The following NUS1 variants were observed in gnomAD, a reference collection of about 807,000 sequenced individuals.
The protein encoded by NUS1 is dehydrodolichyl diphosphate synthase complex subunit NUS1.
For missense variants in NUS1, 292 were observed against 382.9 expected (o/e 0.76, Z 1.98); for synonymous variants, 135 against 155.2 (o/e 0.87, Z 0.97).
chr6:117,683,337 T>C (rs1279703297), intron 1 of NUS1, among the ~76,000 whole-genome samples: 1 of 152,224 alleles, frequency 6.6e-6, no homozygotes, highest in Non-Finnish European at 1.5e-5. Flanking sequence ...TGAAATAAAA[T>C]AGCTTAATGG....
chr6:117,686,852 ATGTGTGTGTGTGTGTGTGTGTG>A (rs56080181), intron 1 of NUS1, among the ~76,000 whole-genome samples: 30 of 139,396 alleles, frequency 2.2e-4, no homozygotes, highest in East Asian at 1.9e-3. Flanking sequence ...TGAAGTGTGT[ATGTGTGTGTGTGTGTGTGTGTG>A]TGTGTGTGTG....
chr6:117,680,458 T>C (rs1464729445), intron 1 of NUS1, among the ~76,000 whole-genome samples: 1 of 152,244 alleles, frequency 6.6e-6, no homozygotes, highest in Non-Finnish European at 1.5e-5. Context: ...CCTGGCTTTA[T>C]TGTGCCTTGC....
In NUS1 at chr6:117,707,213, G is replaced by A. The variant is rs567506617; in HGVS notation, c.*198G>A. 1 of 508,612 alleles carries A rather than the reference G, an allele frequency of 2.0e-6. No homozygotes were observed. The highest frequency in any genetic ancestry group is 1.9e-5 in the African/African-American group (1 of 51,714). The allele number at this position is 508,612 out of a possible 1,614,324, so 31.5% of individuals were successfully genotyped here. A position where few individuals can be genotyped will look rare whatever the true frequency, so the allele number is the denominator to read the frequency against. On this transcript the variant is annotated 3_prime_UTR_variant, in exon 5 of 5. Transcript: ENST00000368494. ...TGCACGTGCACACATGTGCACGTTT[G>A]TATGTATGGAAATAAACTTATAAAT...
At chr6:117,687,481 G>A (rs1206079775) in intron 1 of NUS1, among the ~76,000 whole-genome samples, 2 of 152,160 alleles carry the variant, frequency 1.3e-5, no homozygotes, top group Non-Finnish European at 1.5e-5. Context: ...ATGTGGAGGG[G>A]TTGAGAGTGA....
At chr6:117,680,735 T>C (rs944234326) in intron 1 of NUS1, among the ~76,000 whole-genome samples, 6 of 152,352 alleles carry the variant, frequency 3.9e-5, no homozygotes, top group East Asian at 1.9e-4. Flanking sequence ...CTTTTCATGA[T>C]TGAGGATAAT....
At position 117,709,926 on chromosome 6, in the gene NUS1, A is replaced by G. The variant is rs1409633552; in HGVS notation, c.*2911A>G. On this transcript the variant is annotated 3_prime_UTR_variant, in exon 5 of 5. Coordinates refer to ENST00000368494, the MANE Select transcript of NUS1 (RefSeq NM_138459.5). ...AGCAATAGTGTTTTTTTTAGATGGT[A>G]TGCTCTTGATTGAAATATATTCTCA... 6.6e-6 allele frequency: 1 copy of G among 152,472 alleles called. No homozygotes were observed. The highest frequency in any genetic ancestry group is 2.4e-5 in the African/African-American group (1 of 41,454). The allele number at this position is 152,472 out of a possible 1,614,324, so 9.4% of individuals were successfully genotyped here.
chr6:117,703,583 T>C (rs1773459542), intron 3 of NUS1, 22 bp from the exon 4 acceptor site: 1 of 1,541,152 alleles, frequency 6.5e-7, no homozygotes, highest in South Asian at 1.1e-5. Flanking sequence ...GTTAAGTTCA[T>C]GTGTATTTAT....
At chr6:117,687,028 T>G (rs1773151409) in intron 1 of NUS1, among the ~76,000 whole-genome samples, 2 of 152,168 alleles carry the variant, frequency 1.3e-5, no homozygotes, top group South Asian at 4.1e-4. Context: ...TTATCTACAC[T>G]CTTAGCAATT....
chr6:117,694,774 A>G (rs376014730), intron 3 of NUS1, among the ~76,000 whole-genome samples: 2 of 152,270 alleles, frequency 1.3e-5, no homozygotes, highest in African/African-American at 4.8e-5. Context: ...TACTAGCATT[A>G]GCCTTGATCC....
chr6:117,679,211 A>G (rs1773026685), intron 1 of NUS1, among the ~76,000 whole-genome samples: 1 of 152,146 alleles, frequency 6.6e-6, no homozygotes. Context: ...AAAAATGGAA[A>G]ATTTCCCGGG....
At position 117,709,315 on chromosome 6, in the gene NUS1, C is replaced by T. The variant is rs1773544183; in HGVS notation, c.*2300C>T. On this transcript the variant is annotated 3_prime_UTR_variant, in exon 5 of 5. Coordinates refer to ENST00000368494, the MANE Select transcript of NUS1 (RefSeq NM_138459.5). ...TAAATTGTTTCTTGTTGACACTCCCCACAATGGAAAAATTACCGAATTAAA... is the reference window on the plus strand; with the variant it reads ...TAAATTGTTTCTTGTTGACACTCCCTACAATGGAAAAATTACCGAATTAAA... The T allele has an allele frequency of 6.8e-6, 1 of 147,094 alleles. No homozygotes were observed. The highest frequency in any genetic ancestry group is 2.5e-5 in the African/African-American group (1 of 39,580). The allele number at this position is 147,094 out of a possible 1,614,324, so 9.1% of individuals were successfully genotyped here. A position where few individuals can be genotyped will look rare whatever the true frequency, so the allele number is the denominator to read the frequency against.
chr6:117,677,240 A>G (rs1013880195), intron 1 of NUS1, among the ~76,000 whole-genome samples: 20 of 152,200 alleles, frequency 1.3e-4, no homozygotes, highest in Non-Finnish European at 2.9e-4. Flanking sequence ...CATATTTGAC[A>G]TGGTTAATAA....
chr6:117,685,403 G>A (rs983698172), intron 1 of NUS1, among the ~76,000 whole-genome samples: 1 of 151,476 alleles, frequency 6.6e-6, no homozygotes, highest in African/African-American at 2.4e-5. Flanking sequence ...TTTAGAGACA[G>A]GGTCTTACTT....
intron 4 of NUS1, among the ~76,000 whole-genome samples, chr6:117,706,052 A>G (rs1028738708): frequency 1.3e-5 from 2 of 152,126 alleles, no homozygotes; most frequent in African/African-American, 2.4e-5. Context: ...TGACTCTTCT[A>G]TTCTGACCAG....
At chr6:117,679,479 A>G (rs1773030694) in intron 1 of NUS1, among the ~76,000 whole-genome samples, 2 of 152,226 alleles carry the variant, frequency 1.3e-5, no homozygotes, top group Non-Finnish European at 1.5e-5. Flanking sequence ...ACTGCTTTGT[A>G]GAAATCTACC....
chr6:117,680,954 C>T (rs1773053054), intron 1 of NUS1, among the ~76,000 whole-genome samples: 1 of 152,162 alleles, frequency 6.6e-6, no homozygotes, highest in Non-Finnish European at 1.5e-5. Context: ...TTTTAAAAGT[C>T]TGCCCAGTGT....
At chr6:117,701,544 G>A (rs1019633257) in intron 3 of NUS1, among the ~76,000 whole-genome samples, 3 of 151,998 alleles carry the variant, frequency 2.0e-5, no homozygotes, top group East Asian at 1.9e-4. Flanking sequence ...ACGCCCGGCC[G>A]GGTTCTAATT....
rs989293067 is a variant in NUS1 at position 117,709,114 on chromosome 6, T to C, written c.*2099T>C. On this transcript the variant is annotated 3_prime_UTR_variant, in exon 5 of 5. Coordinates refer to ENST00000368494, the MANE Select transcript of NUS1 (RefSeq NM_138459.5). ...ATGTAGTCATTCCAGAACCTTCTCT[T>C]TATGAGTTCACCTGCTAGTACAATC... The C allele has an allele frequency of 3.3e-5, 5 of 152,268 alleles. No individual in the cohort carries two copies. The highest frequency in any genetic ancestry group is 3.9e-4 in the East Asian group (2 of 5,188). 9.4% of individuals were successfully genotyped at this position (152,268 alleles called of 1,614,324 possible).
rs887630831 is a variant in NUS1 at position 117,678,679 on chromosome 6, T to G, written c.415+2594T>G. On this transcript the variant is annotated intron_variant, in intron 1 of 4. Coordinates refer to ENST00000368494, the MANE Select transcript of NUS1 (RefSeq NM_138459.5). ...TATTTAGTGTTTCTTTTTCAGTGGT[T>G]TTTTTTTTTTTTTTTTTTTGAGACG... Among the ~76,000 whole-genome samples, 156 of 18,782 alleles carry G rather than the reference T, an allele frequency of 8.3e-3. 1 individual carries two copies. The highest frequency in any genetic ancestry group is 0.017 in the African/African-American group (150 of 8,996). The allele number at this position is 18,782 out of a possible 152,430, so 12.3% of individuals were successfully genotyped here. A position where few individuals can be genotyped will look rare whatever the true frequency, so the allele number is the denominator to read the frequency against.
Sources: gnomAD v4.1 joint callset for allele counts (sites outside exome capture counted in the v4.1 genomes callset) on GRCh38, gnomAD v4.1.1 for gene constraint, MANE v1.5 for transcripts, NCBI Gene and HGNC (gene_info 2026-07-23, HGNC 2026-07-21) for gene names.